FAM241A: variants seen among roughly 807,000 people sequenced by gnomAD.
The protein encoded by FAM241A is uncharacterized protein FAM241A.
Under a neutral mutation model 12.2 loss-of-function variants are expected in FAM241A, and 7 were observed. That is an observed-to-expected ratio of 0.58 (90% CI 0.33 to 1.08). The LOEUF (loss-of-function observed/expected upper bound fraction) is 1.08, where lower values mean the gene tolerates loss of function less well. FAM241A is among the 50% of genes least tolerant of loss of function. The pLI is 0.04. For missense variants in FAM241A, 161 were observed against 169.7 expected (o/e 0.95, Z 0.29); for synonymous variants, 74 against 68.2 (o/e 1.08, Z -0.42).
chr4:112,171,417 G>C, intron 1 of FAM241A: 1 of 770,622 alleles, frequency 1.3e-6, no homozygotes, highest in Non-Finnish European at 2.4e-6. Context: ...TTGTGCTAAG[G>C]CTTGAGTGTG....
At position 112,192,681 on chromosome 4, in the gene FAM241A, C is replaced by A. The variant is rs867669293; in HGVS notation, c.*5743C>A. On this transcript the variant is annotated 3_prime_UTR_variant, in exon 2 of 2. Coordinates refer to ENST00000309733, the MANE Select transcript of FAM241A (RefSeq NM_152400.3). ...TCCCTACAAAGGACATGAACTCATC[C>A]TTTTTTATGGCTGCATAGTATTCCA... 540 of 150,890 alleles carry A rather than the reference C, an allele frequency of 3.6e-3. 5 individuals carry two copies. Among genetic ancestry groups the A allele is most frequent in the African/African-American group, 0.011 (459 of 40,908 alleles). The allele number at this position is 150,890 out of a possible 1,614,324, so 9.3% of individuals were successfully genotyped here. A position where few individuals can be genotyped will look rare whatever the true frequency, so the allele number is the denominator to read the frequency against.
chr4:112,147,889 C>T (rs918588849), intron 1 of FAM241A, among the ~76,000 whole-genome samples: 1 of 152,052 alleles, frequency 6.6e-6, no homozygotes, highest in African/African-American at 2.4e-5. Flanking sequence ...TTCCTGCCGT[C>T]TTTTCTACTT....
At chr4:112,148,100 A>AT (rs1405460888) in intron 1 of FAM241A, among the ~76,000 whole-genome samples, 1 of 152,056 alleles carries the variant, frequency 6.6e-6, no homozygotes, top group African/African-American at 2.4e-5. Flanking sequence ...AATTTTCTGT[A>AT]TTAAGTCCCT....
At position 112,190,793 on chromosome 4, in the gene FAM241A, G is replaced by T. The variant is rs1724152523; in HGVS notation, c.*3855G>T. 1.3e-5 allele frequency: 2 copies of T among 152,020 alleles called. No individual in the cohort carries two copies. The highest frequency in any genetic ancestry group is 2.9e-5 in the Non-Finnish European group (2 of 68,012). The allele number at this position is 152,020 out of a possible 1,614,324, so 9.4% of individuals were successfully genotyped here. ...AACTATGACTTCAGGAGTATTGGTGGATTAGAGGTCATTTGCAACTCTTGT... is the reference window on the plus strand; with the variant it reads ...AACTATGACTTCAGGAGTATTGGTGTATTAGAGGTCATTTGCAACTCTTGT... On this transcript the variant is annotated 3_prime_UTR_variant, in exon 2 of 2. Transcript: ENST00000309733.
At chr4:112,172,173 T>G (rs1396846493) in intron 1 of FAM241A, among the ~76,000 whole-genome samples, 1 of 152,264 alleles carries the variant, frequency 6.6e-6, no homozygotes, top group Non-Finnish European at 1.5e-5. Context: ...ATCATAGTAC[T>G]TAAAGCATTG....
intron 1 of FAM241A, among the ~76,000 whole-genome samples, chr4:112,146,783 A>G (rs1723146243): frequency 6.6e-6 from 1 of 152,268 alleles, no homozygotes; most frequent in South Asian, 2.1e-4. Flanking sequence ...AAACAGAGTA[A>G]TACTGTGTGG....
At chr4:112,164,215 TAACA>T (rs764982016) in intron 1 of FAM241A, among the ~76,000 whole-genome samples, 3 of 151,032 alleles carry the variant, frequency 2.0e-5, no homozygotes, top group African/African-American at 4.9e-5. Flanking sequence ...TATACATGTG[TAACA>T]AACCTACACA....
chr4:112,187,164 T>C lies in FAM241A; in HGVS notation c.*226T>C. On this transcript the variant is annotated 3_prime_UTR_variant, in exon 2 of 2. Coordinates refer to ENST00000309733, the MANE Select transcript of FAM241A (RefSeq NM_152400.3). Reference sequence around the variant, plus strand: ...CATTAGCTTATTCAAAACTCTTGTTTCACTACTGTGATCTCTGTCTCCTTT... The same window carrying C: ...CATTAGCTTATTCAAAACTCTTGTTCCACTACTGTGATCTCTGTCTCCTTT... 3 of 512,596 alleles carry C rather than the reference T, an allele frequency of 5.9e-6. No homozygotes were observed. The highest frequency in any genetic ancestry group is 3.6e-5 in the Admixed American group (1 of 28,022). 31.8% of individuals were successfully genotyped at this position (512,596 alleles called of 1,614,324 possible).
Position 112,193,391 on chromosome 4 carries a change from CT to C in FAM241A, c.*6457del, listed in dbSNP as rs1243395818. Reference sequence around the variant, plus strand: ...TCAATTTTGTCTTTTGTTGCCATTGCTTTTGGTGTTTTAGACATGAAGTCCT... The same window carrying C: ...TCAATTTTGTCTTTTGTTGCCATTGCTTTGGTGTTTTAGACATGAAGTCCT... On this transcript the variant is annotated 3_prime_UTR_variant, in exon 2 of 2. Coordinates refer to ENST00000309733, the MANE Select transcript of FAM241A (RefSeq NM_152400.3). 6.6e-6 allele frequency: 1 copy of C among 152,050 alleles called. No homozygotes were observed. The highest frequency in any genetic ancestry group is 2.4e-5 in the African/African-American group (1 of 41,370). 9.4% of individuals were successfully genotyped at this position (152,050 alleles called of 1,614,324 possible). A position where few individuals can be genotyped will look rare whatever the true frequency, so the allele number is the denominator to read the frequency against.
rs562466470 is a variant in FAM241A, at chr4:112,187,220, G to A, written c.*282G>A. ...CCTCTATCCCCATGCCAAATCTTAA[G>A]TAACACCACCAGAAAGTGAACAGGG... is the stretch of plus-strand genomic sequence containing the variant. On this transcript the variant is annotated 3_prime_UTR_variant, in exon 2 of 2. Transcript: ENST00000309733. The A allele has an allele frequency of 2.0e-4, 56 of 284,210 alleles. No homozygotes were observed. The highest frequency in any genetic ancestry group is 1.2e-3 in the African/African-American group (55 of 45,726). 17.6% of individuals were successfully genotyped at this position (284,210 alleles called of 1,614,324 possible).
chr4:112,194,481 G>A lies in FAM241A; in HGVS notation c.*7543G>A, dbSNP rs1385817267. On this transcript the variant is annotated 3_prime_UTR_variant, in exon 2 of 2. Coordinates refer to ENST00000309733, the MANE Select transcript of FAM241A (RefSeq NM_152400.3). Reference sequence around the variant, plus strand: ...GCCCATTCAGTATGATATTGGCTGTGGGTTTGTCATAGATAGCTCTTATTA... The same window carrying A: ...GCCCATTCAGTATGATATTGGCTGTAGGTTTGTCATAGATAGCTCTTATTA... The A allele has an allele frequency of 6.6e-5, 10 of 151,384 alleles. No homozygotes were observed. Among genetic ancestry groups the A allele is most frequent in the Admixed American group, 5.9e-4 (9 of 15,216 alleles). The allele number at this position is 151,384 out of a possible 1,614,324, so 9.4% of individuals were successfully genotyped here.
In FAM241A at chr4:112,170,110, T is replaced by C. The variant is rs188267734; in HGVS notation, c.154-16583T>C. On this transcript the variant is annotated intron_variant, in intron 1 of 1. Coordinates refer to ENST00000309733, the MANE Select transcript of FAM241A (RefSeq NM_152400.3). ...ACTAATTTCTTTCTGTCATTCTTCT[T>C]CCTTCTTTTGGTTTCTCTATAACTA... Among the ~76,000 whole-genome samples the C allele has an allele frequency of 2.0e-3, 311 of 152,334 alleles. 1 individual carries two copies. The highest frequency in any genetic ancestry group is 7.2e-3 in the African/African-American group (298 of 41,570).
chr4:112,179,913 T>TGATA (rs1723894245), intron 1 of FAM241A, among the ~76,000 whole-genome samples: 2 of 22,916 alleles, frequency 8.7e-5, no homozygotes, highest in Admixed American at 5.0e-4. Flanking sequence ...AAAGAAAATG[T>TGATA]GATATATATA....
chr4:112,171,729 G>C (rs1423088399), intron 1 of FAM241A, among the ~76,000 whole-genome samples: 1 of 152,016 alleles, frequency 6.6e-6, no homozygotes. Context: ...CATGGTGGCG[G>C]GCGCCTGTAG....
intron 1 of FAM241A, among the ~76,000 whole-genome samples, chr4:112,159,274 G>A (rs1723414096): frequency 6.6e-6 from 1 of 152,114 alleles, no homozygotes; most frequent in African/African-American, 2.4e-5. Flanking sequence ...CTTCAATCTA[G>A]ATTCTCAATT....
At chr4:112,163,858 C>T (rs1578373096) in intron 1 of FAM241A, among the ~76,000 whole-genome samples, 1 of 151,702 alleles carries the variant, frequency 6.6e-6, no homozygotes, top group East Asian at 1.9e-4. Flanking sequence ...AGACTTGGTG[C>T]CAACCCAAGT....
chr4:112,152,514 T>G (rs1368840952), intron 1 of FAM241A, among the ~76,000 whole-genome samples: 1 of 152,234 alleles, frequency 6.6e-6, no homozygotes, highest in East Asian at 1.9e-4. Flanking sequence ...ATTTCAAACT[T>G]TTCTCTGTGT....
intron 1 of FAM241A, among the ~76,000 whole-genome samples, chr4:112,159,302 C>A (rs935735254): frequency 6.6e-6 from 1 of 152,204 alleles, no homozygotes; most frequent in African/African-American, 2.4e-5. Flanking sequence ...ACAATCCCCA[C>A]TTCCAGTTCT....
intron 1 of FAM241A, among the ~76,000 whole-genome samples, chr4:112,177,355 A>G (rs989550629): frequency 6.6e-6 from 1 of 152,178 alleles, no homozygotes; most frequent in African/African-American, 2.4e-5. Context: ...TCTGAAAACT[A>G]AGCAGCATTA....
Sources: allele counts gnomAD v4.1 joint callset (sites outside exome capture counted in the v4.1 genomes callset), GRCh38; gene constraint gnomAD v4.1.1; transcripts MANE v1.5; gene names NCBI Gene and HGNC (gene_info 2026-07-23, HGNC 2026-07-21).